The following AFAP1 variants were observed in gnomAD, a reference collection of about 807,000 sequenced individuals.
AFAP1 encodes the protein actin filament associated protein 1, also known as actin filament-associated protein 1.
AFAP1 carries 75 observed loss-of-function variants against 93.9 expected under a neutral mutation model. The observed-to-expected ratio is 0.80, with a 90% CI of 0.66 to 0.97. The LOEUF (loss-of-function observed/expected upper bound fraction) is 0.97, where lower values mean the gene tolerates loss of function less well. Ranked by LOEUF, AFAP1 falls within the 50% of genes least tolerant of loss-of-function variation. The pLI, the probability that AFAP1 is intolerant of heterozygous loss-of-function variation, is 0.00. For synonymous variants in AFAP1, 517 were observed against 430.7 expected (o/e 1.20, Z -2.48); for missense variants, 1,201 against 1,050.8 (o/e 1.14, Z -1.98).
intron 10 of AFAP1, among the ~76,000 whole-genome samples, chr4:7,794,150 G>A (rs1030287576): frequency 1.3e-5 from 2 of 152,138 alleles, no homozygotes; most frequent in Non-Finnish European, 2.9e-5. Context: ...GGAAGTTGCT[G>A]GGGTGCCTTT....
chr4:7,841,198 G>A (rs189565721), intron 5 of AFAP1, among the ~76,000 whole-genome samples: 2 of 152,318 alleles, frequency 1.3e-5, no homozygotes, highest in Admixed American at 1.3e-4. Context: ...AGTGGGGTGG[G>A]CAAAGACGCC....
intron 1 of AFAP1, among the ~76,000 whole-genome samples, chr4:7,911,820 T>C (rs1719748300): frequency 6.6e-6 from 1 of 152,206 alleles, no homozygotes; most frequent in South Asian, 2.1e-4. Context: ...AGACAAGAAG[T>C]AAATCTTCTA....
intron 1 of AFAP1, among the ~76,000 whole-genome samples, chr4:7,918,720 G>GT (rs1720248322): frequency 3.2e-5 from 4 of 123,082 alleles, no homozygotes; most frequent in Non-Finnish European, 4.9e-5. Flanking sequence ...AAACAGGGCT[G>GT]TGGATGAGAC....
intron 1 of AFAP1, among the ~76,000 whole-genome samples, chr4:7,877,313 T>G (rs1717571945): frequency 1.3e-5 from 2 of 152,218 alleles, no homozygotes; most frequent in Admixed American, 6.5e-5. Flanking sequence ...TGCTGGCATC[T>G]ACATAAAATA....
chr4:7,868,173 G>A (rs1716638506), intron 3 of AFAP1, among the ~76,000 whole-genome samples: 1 of 151,554 alleles, frequency 6.6e-6, no homozygotes, highest in African/African-American at 2.4e-5. Context: ...TTCTCTCTTG[G>A]AAACAATATG....
chr4:7,893,701 C>T (rs1718606947), intron 1 of AFAP1, among the ~76,000 whole-genome samples: 8 of 152,032 alleles, frequency 5.3e-5, no homozygotes, highest in Admixed American at 4.6e-4. Context: ...AACTCACCAC[C>T]GGGGGTTCTT....
At chr4:7,803,025 C>A (rs143412039) in intron 9 of AFAP1, among the ~76,000 whole-genome samples, 1 of 152,216 alleles carries the variant, frequency 6.6e-6, no homozygotes, top group Admixed American at 6.5e-5. Context: ...CTGGGAACCA[C>A]GTGCTCGCCA....
intron 1 of AFAP1, among the ~76,000 whole-genome samples, chr4:7,879,995 C>T (rs1414387125): frequency 6.6e-6 from 1 of 151,968 alleles, no homozygotes; most frequent in East Asian, 1.9e-4. Flanking sequence ...AGTGGTATAT[C>T]CCACAGCCCT....
chr4:7,934,243 G>A (rs1473199463), intron 1 of AFAP1, among the ~76,000 whole-genome samples: 2 of 152,164 alleles, frequency 1.3e-5, no homozygotes, highest in Admixed American at 6.5e-5. Flanking sequence ...GTACCACACA[G>A]AAGACTAAAC....
At chr4:7,776,331 A>C (rs956231730) in intron 14 of AFAP1, 1 of 152,190 alleles carries the variant, frequency 6.6e-6, no homozygotes, top group African/African-American at 2.4e-5. Context: ...ACCTCCGGAG[A>C]AGCTCAGCTT....
intron 1 of AFAP1, among the ~76,000 whole-genome samples, chr4:7,916,080 C>T (rs1720071419): frequency 6.6e-6 from 1 of 152,144 alleles, no homozygotes; most frequent in Admixed American, 6.5e-5. Flanking sequence ...CTTCACCCAC[C>T]TGGAAGGCAC....
At chr4:7,871,546 C>A (rs573738708) in intron 2 of AFAP1, among the ~76,000 whole-genome samples, 3 of 152,202 alleles carry the variant, frequency 2.0e-5, no homozygotes, top group Admixed American at 6.5e-5. Flanking sequence ...ACAGAGCACA[C>A]AGACGCTGGC....
intron 12 of AFAP1, among the ~76,000 whole-genome samples, chr4:7,782,608 C>A (rs546390523): frequency 6.6e-6 from 1 of 152,300 alleles, no homozygotes; most frequent in Middle Eastern, 3.4e-3. Context: ...AAACTGATAA[C>A]CACAGCCAGG....
Position 7,922,430 on chromosome 4 carries a change from T to C in AFAP1, c.-3+17226A>G, listed in dbSNP as rs1052484008. ...AGTGAGTATTTCAAGTCTTGAAGGA[T>C]GGAGAAGATTTAAGGAGGTAGAAGT... On this transcript the variant is annotated intron_variant, in intron 1 of 17. Transcript: ENST00000420658. 9.9e-5 allele frequency among the ~76,000 whole-genome samples: 15 copies of C among 152,224 alleles called. 1 individual carries two copies. The South Asian group carries it at 2.3e-3, about 23-fold the overall frequency.
chr4:7,765,829 G>C (rs1364904478), intron 17 of AFAP1, among the ~76,000 whole-genome samples: 1 of 152,210 alleles, frequency 6.6e-6, no homozygotes, highest in African/African-American at 2.4e-5. Context: ...TACAACGTGA[G>C]TCCCACCAAG....
At chr4:7,870,996 T>TA (rs987493878) in intron 2 of AFAP1, among the ~76,000 whole-genome samples, 55 of 152,176 alleles carry the variant, frequency 3.6e-4, no homozygotes, top group African/African-American at 1.3e-3. Context: ...ACTATCTCCA[T>TA]AGAGTCCTCA....
chr4:7,937,899 T>C (rs376634018), intron 1 of AFAP1, among the ~76,000 whole-genome samples: 2 of 152,284 alleles, frequency 1.3e-5, no homozygotes, highest in Middle Eastern at 3.4e-3. Flanking sequence ...AGATTTAAAA[T>C]AGCATGAATA....
intron 16 of AFAP1, 50 bp from the exon 17 acceptor site, chr4:7,769,058 G>C: frequency 6.6e-7 from 1 of 1,514,644 alleles, no homozygotes; most frequent in African/African-American, 1.4e-5. Context: ...TGGGCCACTG[G>C]TATTCTCCAG....
rs1236503077 is a variant in AFAP1 at position 7,939,459 on chromosome 4, C to A, written c.-3+197G>T. On this transcript the variant is annotated intron_variant, in intron 1 of 17. Transcript: ENST00000420658. This position sits in a 1 kb window ranked among gnomAD's most constrained non-coding sequence, Gnocchi z 5.6. ...GGGGAGCAGTGGGGACCGGCCCCCA[C>A]CCGCAGGACGACCGGGACCCCCGCG... 6.7e-6 allele frequency: 2 copies of A among 297,532 alleles called. No homozygotes were observed. Among genetic ancestry groups the A allele is most frequent in the South Asian group, 2.6e-5 (1 of 38,788 alleles). 18.4% of individuals were successfully genotyped at this position (297,532 alleles called of 1,614,324 possible).
Sources: allele counts gnomAD v4.1 joint callset (sites outside exome capture counted in the v4.1 genomes callset), GRCh38; gene constraint gnomAD v4.1.1; non-coding constraint Gnocchi (gnomAD v3.1); transcripts MANE v1.5; gene names NCBI Gene and HGNC (gene_info 2026-07-23, HGNC 2026-07-21).